The following PHTF1 variants were observed in gnomAD, a reference collection of about 807,000 sequenced individuals.
The protein encoded by PHTF1 is putative homeodomain transcription factor 1, also known as protein PHTF1.
PHTF1 carries 88 observed loss-of-function variants against 102.4 expected under a neutral mutation model. That is an observed-to-expected ratio of 0.86 (90% confidence interval 0.72 to 1.03). The LOEUF (loss-of-function observed/expected upper bound fraction) is 1.03, where lower values mean the gene tolerates loss of function less well. Among genes scored for constraint, PHTF1 ranks in the 50% least tolerant of loss-of-function variants. The pLI is 0.00. For missense variants in PHTF1, 814 were observed against 909.5 expected (o/e 0.89, Z 1.35); for synonymous variants, 289 against 305.2 (o/e 0.95, Z 0.55).
intron 5 of PHTF1, among the ~76,000 whole-genome samples, chr1:113,727,772 C>T (rs981688392): frequency 6.6e-6 from 1 of 152,010 alleles, no homozygotes; most frequent in Non-Finnish European, 1.5e-5. Flanking sequence ...TCAAGACCAG[C>T]CTGGGCAACA....
intron 15 of PHTF1, among the ~76,000 whole-genome samples, chr1:113,701,422 T>C (rs1649424621): frequency 6.6e-6 from 1 of 152,248 alleles, no homozygotes. Flanking sequence ...GTGCCTATTA[T>C]GTGTCAAATT....
At chr1:113,701,725 C>G (rs1358583440) in intron 15 of PHTF1, among the ~76,000 whole-genome samples, 1 of 150,664 alleles carries the variant, frequency 6.6e-6, no homozygotes, top group Non-Finnish European at 1.5e-5. Context: ...TCATGGCACC[C>G]TAGCAGCAGA....
intron 5 of PHTF1, 108 bp from the exon 6 acceptor site, chr1:113,726,682 A>G: frequency 1.4e-6 from 1 of 722,902 alleles, no homozygotes; most frequent in Non-Finnish European, 2.1e-6. Flanking sequence ...AAAAAAGTAC[A>G]CAAATAAATA....
At chr1:113,712,795 T>A (rs1651335895) in intron 8 of PHTF1, among the ~76,000 whole-genome samples, 1 of 151,450 alleles carries the variant, frequency 6.6e-6, no homozygotes, top group African/African-American at 2.4e-5. Flanking sequence ...TTTTTTTTTT[T>A]TTTTTTTTTG....
chr1:113,756,575 T>C (rs1257481810), intron 3 of PHTF1, among the ~76,000 whole-genome samples: 1 of 152,176 alleles, frequency 6.6e-6, no homozygotes, highest in Non-Finnish European at 1.5e-5. Flanking sequence ...AGTTATATTC[T>C]TTTGAGGGCC....
At chr1:113,705,256 A>T (rs191663423) in intron 13 of PHTF1, among the ~76,000 whole-genome samples, 35 of 152,284 alleles carry the variant, frequency 2.3e-4, no homozygotes, top group African/African-American at 8.2e-4. Context: ...ACTGGGCAAC[A>T]AAGTAAGACC....
intron 5 of PHTF1, among the ~76,000 whole-genome samples, chr1:113,730,317 T>C (rs1654452974): frequency 6.6e-6 from 1 of 152,158 alleles, no homozygotes; most frequent in African/African-American, 2.4e-5. Context: ...AATGCCCATA[T>C]TTTCTAAACT....
chr1:113,707,959 G>A (rs112389472), intron 11 of PHTF1, among the ~76,000 whole-genome samples: 1 of 85,386 alleles, frequency 1.2e-5, no homozygotes, highest in African/African-American at 6.9e-5. Context: ...ATGCATAAGG[G>A]CCCAGAGGCA....
intron 18 of PHTF1, among the ~76,000 whole-genome samples, chr1:113,698,037 T>A (rs985289708): frequency 6.6e-5 from 10 of 152,298 alleles, no homozygotes; most frequent in Admixed American, 1.3e-4. Context: ...TTTTGTTCCA[T>A]TCAAGAGCAC....
intron 13 of PHTF1, chr1:113,705,630 T>C (rs1650013003): frequency 5.7e-6 from 2 of 348,746 alleles, no homozygotes; most frequent in Admixed American, 9.6e-5. Flanking sequence ...GAGGTGCAGA[T>C]GCTAAGCAGT....
chr1:113,700,764 C>T, intron 16 of PHTF1, 30 bp downstream of exon 16: 1 of 1,606,174 alleles, frequency 6.2e-7, no homozygotes, highest in South Asian at 1.1e-5. Context: ...CCCCTAACCA[C>T]TAAACCCAAT....
rs575854171 is a variant in PHTF1, at chr1:113,707,531, T to C, written c.1270-809A>G. Among the ~76,000 whole-genome samples, 6 of 152,330 alleles carry C rather than the reference T, an allele frequency of 3.9e-5. No individual in the cohort carries two copies. The South Asian group carries it at 1.2e-3, about 32-fold the overall frequency. On this transcript the variant is annotated intron_variant, in intron 11 of 18. Coordinates refer to ENST00000369604, the MANE Select transcript of PHTF1 (RefSeq NM_001323043.2). ...GTGCTTTTATGTTGTCCTCTATTTG[T>C]TTCCTATATAATTATCTTGTTCCCA...
At chr1:113,739,435 T>A (rs1471261013) in intron 3 of PHTF1, among the ~76,000 whole-genome samples, 1 of 152,188 alleles carries the variant, frequency 6.6e-6, no homozygotes, top group Non-Finnish European at 1.5e-5. Flanking sequence ...ATAACTTCCA[T>A]CTTTTTTTTG....
intron 7 of PHTF1, among the ~76,000 whole-genome samples, chr1:113,716,816 G>A (rs987706258): frequency 1.3e-5 from 2 of 152,156 alleles, no homozygotes; most frequent in Non-Finnish European, 2.9e-5. Context: ...ATGCAAAAGA[G>A]AGTTCTTCAA....
At chr1:113,729,345 C>A (rs1331992091) in intron 5 of PHTF1, among the ~76,000 whole-genome samples, 2 of 152,078 alleles carry the variant, frequency 1.3e-5, no homozygotes, top group African/African-American at 2.4e-5. Flanking sequence ...TTTGATAGCA[C>A]AACAGGCTGA....
intron 17 of PHTF1, 89 bp downstream of exon 17, chr1:113,699,615 A>T (rs1649220780): frequency 1.4e-6 from 1 of 714,352 alleles, no homozygotes; most frequent in South Asian, 1.6e-5. Context: ...CTCCCAACCC[A>T]AGGTATCATC....
chr1:113,697,409 C>T lies in PHTF1; in HGVS notation c.*296G>A. On this transcript the variant is annotated 3_prime_UTR_variant, in exon 19 of 19. Coordinates refer to ENST00000369604, the MANE Select transcript of PHTF1 (RefSeq NM_001323043.2). ...CTATGTCCAGTAAACATAACTGTCA[C>T]AGTACTGAAGCGCAAACTTACAAAA... The T allele has an allele frequency of 3.4e-6, 1 of 290,480 alleles. No individual in the cohort carries two copies. Among genetic ancestry groups the T allele is most frequent in the Non-Finnish European group, 6.5e-6 (1 of 154,404 alleles). 18.0% of individuals were successfully genotyped at this position (290,480 alleles called of 1,614,324 possible).
At chr1:113,752,904 C>A (rs1030413507) in intron 3 of PHTF1, among the ~76,000 whole-genome samples, 3 of 152,196 alleles carry the variant, frequency 2.0e-5, no homozygotes, top group African/African-American at 7.2e-5. Context: ...TCAGTCTTAA[C>A]CACTAAGTGT....
In PHTF1 at chr1:113,697,699, C is replaced by G. The variant is rs1440108908; in HGVS notation, c.*6G>C. The G allele has an allele frequency of 6.6e-7, 1 of 1,518,774 alleles. No homozygotes were observed. The highest frequency in any genetic ancestry group is 1.7e-5 in the Admixed American group (1 of 58,500). 94.1% of individuals were successfully genotyped at this position (1,518,774 alleles called of 1,614,324 possible). ...AGCCAGGGGAGAGTCCAGGCATTTACTCAGCTTATGATTTAATTTTCCACA... is the reference window on the plus strand; with the variant it reads ...AGCCAGGGGAGAGTCCAGGCATTTAGTCAGCTTATGATTTAATTTTCCACA... On this transcript the variant is annotated 3_prime_UTR_variant, in exon 19 of 19. Coordinates refer to ENST00000369604, the MANE Select transcript of PHTF1 (RefSeq NM_001323043.2).
Sources: allele counts gnomAD v4.1 joint callset (sites outside exome capture counted in the v4.1 genomes callset), GRCh38; gene constraint gnomAD v4.1.1; transcripts MANE v1.5; gene names NCBI Gene and HGNC (gene_info 2026-07-23, HGNC 2026-07-21).